Variants in GPC5 observed in about 807,000 individuals in gnomAD.
GPC5 encodes glypican 5, also known as glypican-5.
GPC5 carries 47 observed loss-of-function variants against 53.9 expected under a neutral mutation model. That is an observed-to-expected ratio of 0.87 (90% CI 0.69 to 1.11). The LOEUF (loss-of-function observed/expected upper bound fraction) is 1.11. GPC5 is among the 50% of genes most tolerant of loss of function. The pLI, the probability that GPC5 is intolerant of heterozygous loss-of-function variation, is 0.00. For missense variants in GPC5, 748 were observed against 713.1 expected, an observed-to-expected ratio of 1.05 and a Z score of -0.56; for synonymous variants, 286 against 263.3, an observed-to-expected ratio of 1.09 and a Z score of -0.84.
intron 7 of GPC5, among the ~76,000 whole-genome samples, chr13:92,649,963 A>T (rs893578696): frequency 3.9e-5 from 6 of 152,120 alleles, no homozygotes; most frequent in African/African-American, 1.4e-4. Flanking sequence ...TTCACAATTG[A>T]TGGATTAGTC....
chr13:91,500,442 G>A (rs778166256), intron 2 of GPC5, among the ~76,000 whole-genome samples: 1 of 152,122 alleles, frequency 6.6e-6, no homozygotes, highest in Non-Finnish European at 1.5e-5. Context: ...ACAGAAGATG[G>A]GTATTAGGGA....
chr13:92,815,314 T>C (rs777257595), intron 7 of GPC5, among the ~76,000 whole-genome samples: 4 of 151,932 alleles, frequency 2.6e-5, no homozygotes, highest in East Asian at 1.9e-4. Context: ...ACCAATGAAG[T>C]TCCCACTTCA....
chr13:92,200,130 T>C (rs1309074544), intron 7 of GPC5, among the ~76,000 whole-genome samples: 2 of 152,144 alleles, frequency 1.3e-5, no homozygotes, highest in Non-Finnish European at 2.9e-5. Context: ...ACTGTGTACT[T>C]TGAATTCATC....
At chr13:92,295,177 A>C (rs1407858086) in intron 7 of GPC5, among the ~76,000 whole-genome samples, 1 of 151,974 alleles carries the variant, frequency 6.6e-6, no homozygotes, top group East Asian at 1.9e-4. Context: ...TCCTCTTAGC[A>C]CCACCTTTGC....
At chr13:91,987,528 A>G (rs1031404837) in intron 6 of GPC5, among the ~76,000 whole-genome samples, 1 of 151,954 alleles carries the variant, frequency 6.6e-6, no homozygotes, top group Admixed American at 6.6e-5. Context: ...GCTTTTTTAT[A>G]TGCATTTAGT....
chr13:92,625,041 G>A (rs932742105), intron 7 of GPC5, among the ~76,000 whole-genome samples: 2 of 152,078 alleles, frequency 1.3e-5, no homozygotes, highest in Non-Finnish European at 2.9e-5. Context: ...TATTATTGCT[G>A]TATTATATCC....
rs149810745 is a variant in GPC5 at position 92,189,589 on chromosome 13, G to GCACA, written c.1561+44615_1561+44618dup. On this transcript the variant is annotated intron_variant, in intron 7 of 7. Coordinates refer to ENST00000377067, the MANE Select transcript of GPC5 (RefSeq NM_004466.6). ...ATCGTGTCTGCCTTTCCATACACGT[G>GCACA]CACACACACACACACACAAAAGTTT... is the stretch of plus-strand genomic sequence containing the variant. 7.3e-3 allele frequency among the ~76,000 whole-genome samples: 1,104 copies of GCACA among 150,620 alleles called. 14 individuals are homozygous for GCACA. The highest frequency in any genetic ancestry group is 0.026 in the African/African-American group (1,055 of 41,130).
rs146007433 is a variant in GPC5 at position 92,517,681 on chromosome 13, C to T, written c.1562-348601C>T. Among the ~76,000 whole-genome samples, 907 of 152,222 alleles carry T rather than the reference C, an allele frequency of 6.0e-3. 4 individuals carry two copies. The highest frequency in any genetic ancestry group is 0.01 in the Middle Eastern group (3 of 294). On this transcript the variant is annotated intron_variant, in intron 7 of 7. Coordinates refer to ENST00000377067, the MANE Select transcript of GPC5 (RefSeq NM_004466.6). ...CATCCACACCAAAACCCCATCTGTA[C>T]GTCACCATCATCAAAGACCAAAGGT...
At chr13:92,170,244 T>C (rs2042059867) in intron 7 of GPC5, among the ~76,000 whole-genome samples, 2 of 151,884 alleles carry the variant, frequency 1.3e-5, no homozygotes, top group Non-Finnish European at 2.9e-5. Context: ...GAAAGTCTTT[T>C]GTTTTGAATT....
rs7986672 is a variant in GPC5, at chr13:92,040,887, G to A, written c.1402-103943G>A. ...TTTATTGAGACAAAGTTTTGCTTTTGTTACCCAGGCTGCCGTGCAATGGCA... is the reference window on the plus strand; with the variant it reads ...TTTATTGAGACAAAGTTTTGCTTTTATTACCCAGGCTGCCGTGCAATGGCA... On this transcript the variant is annotated intron_variant, in intron 6 of 7. Transcript: ENST00000377067. 5.1e-3 allele frequency among the ~76,000 whole-genome samples: 784 copies of A among 152,268 alleles called. 9 individuals are homozygous for A. Among genetic ancestry groups the A allele is most frequent in the African/African-American group, 0.018 (759 of 41,552 alleles).
intron 2 of GPC5, among the ~76,000 whole-genome samples, chr13:91,585,274 C>A (rs966909796): frequency 1.3e-5 from 2 of 152,146 alleles, no homozygotes; most frequent in Non-Finnish European, 2.9e-5. Flanking sequence ...TATAACCCAG[C>A]AATCCCACTT....
At position 91,685,609 on chromosome 13, in the gene GPC5, C is replaced by T. The variant is rs2035604899; in HGVS notation, c.326-7578C>T. On this transcript the variant is annotated intron_variant, in intron 2 of 7. Coordinates refer to ENST00000377067, the MANE Select transcript of GPC5 (RefSeq NM_004466.6). ...ATTTATATATCTGTTTGCTTTTATACTTTATCTTTTACTCTGTAGATTCTA... is the reference window on the plus strand; with the variant it reads ...ATTTATATATCTGTTTGCTTTTATATTTTATCTTTTACTCTGTAGATTCTA... Among the ~76,000 whole-genome samples the T allele has an allele frequency of 2.6e-5, 4 of 152,060 alleles. No homozygotes were observed. In the South Asian group the frequency reaches 6.2e-4, roughly 24 times the overall value.
intron 6 of GPC5, among the ~76,000 whole-genome samples, chr13:92,043,053 C>G (rs943612952): frequency 1.3e-5 from 2 of 151,938 alleles, no homozygotes; most frequent in African/African-American, 4.8e-5. Context: ...CAATCCATGC[C>G]AATCATATAA....
intron 1 of GPC5, among the ~76,000 whole-genome samples, chr13:91,444,394 A>G (rs1880640831): frequency 6.6e-6 from 1 of 151,724 alleles, no homozygotes; most frequent in South Asian, 2.1e-4. Flanking sequence ...TGTCTGTGGG[A>G]TATTATTCTG....
At chr13:91,584,234 TAA>T (rs1465746564) in intron 2 of GPC5, among the ~76,000 whole-genome samples, 1 of 152,210 alleles carries the variant, frequency 6.6e-6, no homozygotes, top group Non-Finnish European at 1.5e-5. Flanking sequence ...AAGAAATTGT[TAA>T]GTTTTTTTTT....
intron 7 of GPC5, among the ~76,000 whole-genome samples, chr13:92,394,577 A>G (rs13378228): frequency 0.027 from 4,052 of 152,266 alleles, 177 homozygotes; most frequent in African/African-American, 0.09. Context: ...CTCTAGAACT[A>G]TGAAAAATTA....
At chr13:92,648,268 C>T (rs1297090181) in intron 7 of GPC5, among the ~76,000 whole-genome samples, 3 of 151,948 alleles carry the variant, frequency 2.0e-5, no homozygotes, top group Non-Finnish European at 2.9e-5. Context: ...CAAATGAAAC[C>T]AATTTTGATA....
intron 2 of GPC5, among the ~76,000 whole-genome samples, chr13:91,617,506 T>G (rs112253299): frequency 0.011 from 1,634 of 152,184 alleles, 31 homozygotes; most frequent in African/African-American, 0.038. Context: ...TAGAGGTCAA[T>G]AAATAGTAGT....
intron 7 of GPC5, among the ~76,000 whole-genome samples, chr13:92,513,005 G>A (rs990629720): frequency 2.0e-5 from 3 of 152,152 alleles, no homozygotes; most frequent in African/African-American, 4.8e-5. Flanking sequence ...GCTACATCCT[G>A]GCAACTGTCC....
Sources: gnomAD v4.1 joint callset for allele counts (sites outside exome capture counted in the v4.1 genomes callset) on GRCh38, gnomAD v4.1.1 for gene constraint, MANE v1.5 for transcripts, NCBI Gene and HGNC (gene_info 2026-07-23, HGNC 2026-07-21) for gene names.